The following CROCC variants were observed in gnomAD, a reference collection of about 807,000 sequenced individuals.
The protein encoded by CROCC is ciliary rootlet coiled-coil, rootletin, also known as rootletin.
A neutral mutation model predicts 245.2 loss-of-function variants in CROCC; 180 were observed. The observed-to-expected ratio is 0.73, with a 90% CI of 0.65 to 0.83. The LOEUF is 0.83. Ranked by LOEUF, CROCC falls within the 40% of genes least tolerant of loss-of-function variation. The pLI, the probability that CROCC is intolerant of heterozygous loss-of-function variation, is 0.00. For missense variants in CROCC, 2,688 were observed against 2,779.4 expected (o/e 0.97, Z 0.74); for synonymous variants, 1,205 against 1,241.6 (o/e 0.97, Z 0.62).
chr1:16,964,574 G>A (rs1481148184), intron 27 of CROCC, among the ~76,000 whole-genome samples: 1 of 152,016 alleles, frequency 6.6e-6, no homozygotes, highest in Admixed American at 6.6e-5. Context: ...TAGTAGAGAC[G>A]GGTTTTCACC....
At position 16,968,277 on chromosome 1, in the gene CROCC, C is replaced by G. The variant is rs573810663; in HGVS notation, c.4935C>G (p.Asp1645Glu). Residue 1645 changes from aspartate (D) to glutamate (E), a missense_variant, in exon 31 of 37, where the codon GAC (aspartate) becomes GAG (glutamate). Asp to Glu is a conservative substitution (Grantham distance 45, BLOSUM62 2). This residue lies in a region of CROCC where 1,218 missense variants were observed against 1,286.3 expected (regional missense o/e 0.95). Coordinates refer to ENST00000375541, the MANE Select transcript of CROCC (RefSeq NM_014675.5). The stretch of plus-strand genomic sequence containing the variant: ...AGCGGCGCCTGAAGGAGGTTCTGGA[C>G]GCCTCCGAGAGCCGCACTGTCAAGC... The part of the protein sequence containing the change: ...GDKRRLKEVL[D>E]ASESRTVKLE... 4 of 1,559,434 alleles carry G rather than the reference C, an allele frequency of 2.6e-6. No individual in the cohort carries two copies. The African/African-American group carries it at 4.1e-5, about 16-fold the overall frequency.
Position 16,946,941 on chromosome 1 carries a change from C to T in CROCC, c.2464C>T (p.Leu822Phe), listed in dbSNP as rs766211412. The change falls in exon 17 of 37, where the codon CTC becomes TTC. Residue 822 changes from leucine to phenylalanine, a missense_variant. Around this residue, in one of 9 missense-constraint regions of CROCC, gnomAD observed 295 missense variants for 241.7 expected, o/e 1.22. Coordinates refer to ENST00000375541, the MANE Select transcript of CROCC (RefSeq NM_014675.5). The part of the protein sequence containing the change: ...EQAQEALEQQ[L>F]PTLRHERSQL... The stretch of plus-strand genomic sequence containing the variant: ...GGCCCAGGAGGCATTGGAGCAGCAG[C>T]TCCCCACGCTGCGCCATGAGCGCAG... 4 of 1,560,970 alleles carry T rather than the reference C, an allele frequency of 2.6e-6. No individual in the cohort carries two copies. Among genetic ancestry groups the T allele is most frequent in the Non-Finnish European group, 3.5e-6 (4 of 1,153,208 alleles).
At chr1:16,916,129 T>C (rs576724603) in intron 1 of CROCC, among the ~76,000 whole-genome samples, 1 of 151,712 alleles carries the variant, frequency 6.6e-6, no homozygotes, top group South Asian at 2.1e-4. Flanking sequence ...TGAGCTGAGA[T>C]TGTGCACCAC....
At position 16,939,983 on chromosome 1, in the gene CROCC, A is replaced by G; in HGVS notation, c.1698A>G (p.Leu566=). 1.9e-6 allele frequency: 3 copies of G among 1,612,434 alleles called. No homozygotes were observed. The highest frequency in any genetic ancestry group is 2.5e-6 in the Non-Finnish European group (3 of 1,179,750). Reference sequence around the variant, plus strand: ...ACAGCGAGAGCGAGCGGCGGGCCCTAGAGGAACAGCTGCAGCGCCTGCGGG... The same window carrying G: ...ACAGCGAGAGCGAGCGGCGGGCCCTGGAGGAACAGCTGCAGCGCCTGCGGG... ...LSDSESERRA[L]EEQLQRLRDK... The change falls in exon 13 of 37, where the codon CTA becomes CTG. Residue 566 remains leucine (L), a synonymous_variant. Transcript: ENST00000375541.
intron 20 of CROCC, among the ~76,000 whole-genome samples, chr1:16,951,598 G>C (rs1382688553): frequency 6.6e-6 from 1 of 152,252 alleles, no homozygotes; most frequent in East Asian, 1.9e-4. Flanking sequence ...AATAGGGATA[G>C]GATAGTGAAA....
intron 27 of CROCC, 114 bp downstream of exon 27, chr1:16,961,244 AC>A: frequency 1.9e-6 from 2 of 1,071,870 alleles, no homozygotes; most frequent in Non-Finnish European, 2.4e-6. Flanking sequence ...CAAGGAGCCC[AC>A]CACACCTCTC....
At chr1:16,953,580 G>A in intron 21 of CROCC, 99 bp downstream of exon 21, 2 of 803,224 alleles carry the variant, frequency 2.5e-6, no homozygotes, top group Non-Finnish European at 3.3e-6. Context: ...CCCTGGGGCA[G>A]GCCACTGCCC....
At chr1:16,931,948 G>A (rs1312241318) in intron 8 of CROCC, among the ~76,000 whole-genome samples, 1 of 149,814 alleles carries the variant, frequency 6.7e-6, no homozygotes, top group Non-Finnish European at 1.5e-5. Flanking sequence ...TTGTATTTTA[G>A]TAGAGACGGG....
Position 16,966,550 on chromosome 1 carries a change from G to C in CROCC, c.4839G>C (p.Glu1613Asp). 2 of 1,494,256 alleles carry C rather than the reference G, an allele frequency of 1.3e-6. No homozygotes were observed. The highest frequency in any genetic ancestry group is 2.8e-5 in the African/African-American group (2 of 71,528). The allele number at this position is 1,494,256 out of a possible 1,614,324, so 92.6% of individuals were successfully genotyped here. Residue 1613 changes from glutamate to aspartate, a missense_variant, in exon 30 of 37, where the codon GAG (glutamate) becomes GAC (aspartate). By Grantham distance (45) the Glu-to-Asp change is conservative (BLOSUM62 2). This residue lies in a region of CROCC where 1,218 missense variants were observed against 1,286.3 expected (regional missense o/e 0.95). Transcript: ENST00000375541. This position sits in a 1 kb window ranked among gnomAD's most constrained non-coding sequence, Gnocchi z 4.8. ...TGGAGAGGAGCCTGCAGGCCACCGA[G>C]AGCGAGCTCCGGGCCAGCCAGGTGG... Reference protein sequence around the residue: ...ATLERSLQATESELRASQEKI... With the variant: ...ATLERSLQATDSELRASQEKI...
Position 16,922,644 on chromosome 1 carries a change from C to T in CROCC, c.61-19C>T. On this transcript the variant is annotated intron_variant, in intron 1 of 36. Coordinates refer to ENST00000375541, the MANE Select transcript of CROCC (RefSeq NM_014675.5). ...CCCGGGTCCCATGTCCCCTGAAGAC[C>T]CTCTCGCTTTTCCCACAGACACTGG... 6.3e-7 allele frequency: 1 copy of T among 1,591,190 alleles called. No homozygotes were observed. Among genetic ancestry groups the T allele is most frequent in the Non-Finnish European group, 8.6e-7 (1 of 1,168,338 alleles).
Position 16,948,463 on chromosome 1 carries a change from G to A in CROCC, c.2647G>A (p.Val883Met), listed in dbSNP as rs1378281778. Residue 883 changes from valine (V) to methionine (M), a missense_variant, in exon 18 of 37, where the codon GTG becomes ATG. Transcript: ENST00000375541. ...ALAKEHAGLA[V>M]QLVAAEREGR... ...AGCCAAGGAGCACGCTGGCCTGGCT[G>A]TGCAGCTGGTGGCTGCGGAGCGTGA... is the stretch of plus-strand genomic sequence containing the variant. 4 of 1,558,774 alleles carry A rather than the reference G, an allele frequency of 2.6e-6. No individual in the cohort carries two copies. Among genetic ancestry groups the A allele is most frequent in the African/African-American group, 2.7e-5 (2 of 73,866 alleles).
At chr1:16,919,689 C>T (rs112356840), upstream of CROCC, among the ~76,000 whole-genome samples, 1 of 152,196 alleles carries the variant, frequency 6.6e-6, no homozygotes, top group East Asian at 1.9e-4. Flanking sequence ...GGAACAGTGG[C>T]CCCCATTGGC....
At chr1:16,923,369 C>T (rs2075453046) in intron 2 of CROCC, among the ~76,000 whole-genome samples, 1 of 152,262 alleles carries the variant, frequency 6.6e-6, no homozygotes, top group African/African-American at 2.4e-5. Context: ...CAGACGGGCC[C>T]CCTCCTTGGG....
chr1:16,940,742 TTTGAG>T (rs1246939843), intron 13 of CROCC: 11 of 255,416 alleles, frequency 4.3e-5, no homozygotes, highest in Non-Finnish European at 2.4e-5. Context: ...TTTGCTTTGT[TTTGAG>T]TCACACTCTT....
At chr1:16,922,580 C>A in intron 1 of CROCC, 83 bp from the exon 2 acceptor site, 4 of 1,504,562 alleles carry the variant, frequency 2.7e-6, no homozygotes, top group Non-Finnish European at 3.6e-6. Flanking sequence ...GTATCTTGGG[C>A]AGTAGGATTC....
intron 8 of CROCC, 126 bp downstream of exon 8, chr1:16,931,523 G>C (rs2100370769): frequency 2.4e-6 from 2 of 832,920 alleles, no homozygotes; most frequent in South Asian, 3.0e-5. Context: ...TGAGGACACA[G>C]AGGCAACTTG....
At chr1:16,959,530 AC>A (rs1228472361) in intron 26 of CROCC, among the ~76,000 whole-genome samples, 1 of 152,166 alleles carries the variant, frequency 6.6e-6, no homozygotes, top group Non-Finnish European at 1.5e-5. Context: ...ATGGGCTAGC[AC>A]AGCCGAGCAT....
At chr1:16,970,148 T>C in intron 33 of CROCC, 105 bp from the exon 34 acceptor site, 1 of 1,271,372 alleles carries the variant, frequency 7.9e-7, no homozygotes, top group East Asian at 2.6e-5. Context: ...GATGTGGGCC[T>C]CACCGTCGCC....
intron 20 of CROCC, among the ~76,000 whole-genome samples, chr1:16,952,695 T>A (rs1425872962): frequency 6.6e-6 from 1 of 152,162 alleles, no homozygotes; most frequent in African/African-American, 2.4e-5. Context: ...CTTGGCCTCA[T>A]TAATGTCCCC....
Sources: allele counts gnomAD v4.1 joint callset (sites outside exome capture counted in the v4.1 genomes callset), GRCh38; gene constraint gnomAD v4.1.1; regional missense constraint gnomAD v4.1.1; non-coding constraint Gnocchi (gnomAD v3.1); transcripts MANE v1.5; gene names NCBI Gene and HGNC (gene_info 2026-07-23, HGNC 2026-07-21).